The following DPM1 variants were observed in gnomAD, a reference collection of about 807,000 sequenced individuals.
The protein encoded by DPM1 is dolichol-phosphate mannosyltransferase subunit 1.
A neutral mutation model predicts 39.0 loss-of-function variants in DPM1; 27 were observed. That is an observed-to-expected ratio of 0.69 (90% CI 0.51 to 0.95). The LOEUF (loss-of-function observed/expected upper bound fraction) is 0.95. Among genes scored for constraint, DPM1 ranks in the 40% least tolerant of loss-of-function variants. DPM1 has a pLI of 0.00. For synonymous variants in DPM1, 124 were observed against 109.0 expected (o/e 1.14, Z -0.86); for missense variants, 307 against 315.6 (o/e 0.97, Z 0.21).
intron 2 of DPM1, among the ~76,000 whole-genome samples, chr20:50,952,648 G>T (rs1188998644): frequency 6.6e-6 from 1 of 152,142 alleles, no homozygotes; most frequent in Non-Finnish European, 1.5e-5. Flanking sequence ...TCTAGTTTTG[G>T]TCTTATGAAT....
chr20:50,953,504 GT>G (rs898677235), intron 2 of DPM1, among the ~76,000 whole-genome samples: 14 of 151,128 alleles, frequency 9.3e-5, no homozygotes, highest in East Asian at 5.8e-4. Flanking sequence ...GATTAATACT[GT>G]TTTTTTTTAA....
intron 7 of DPM1, among the ~76,000 whole-genome samples, chr20:50,937,535 G>C (rs1649602271): frequency 6.6e-6 from 1 of 152,002 alleles, no homozygotes; most frequent in Non-Finnish European, 1.5e-5. Context: ...TGTTAGGGGA[G>C]GGAGCACTGG....
In DPM1 at chr20:50,956,274, A is replaced by G. The variant is rs560454584; in HGVS notation, c.162-989T>C. 3.3e-5 allele frequency among the ~76,000 whole-genome samples: 5 copies of G among 152,324 alleles called. No homozygotes were observed. In the South Asian group the frequency reaches 6.2e-4, roughly 19 times the overall value. ...TTGGTGGATAAATAATACCTACGAC[A>G]TAACATTCCGTTTTCTCTTGGTCCT... On this transcript the variant is annotated intron_variant, in intron 1 of 8. Coordinates refer to ENST00000371588, the MANE Select transcript of DPM1 (RefSeq NM_003859.3).
intron 2 of DPM1, among the ~76,000 whole-genome samples, chr20:50,949,874 T>C (rs1986488581): frequency 6.6e-6 from 1 of 152,178 alleles, no homozygotes; most frequent in African/African-American, 2.4e-5. Flanking sequence ...GTCAAGTCTT[T>C]TGTGGGAAGC....
chr20:50,943,802 C>G (rs911082625), intron 5 of DPM1, among the ~76,000 whole-genome samples: 1 of 148,328 alleles, frequency 6.7e-6, no homozygotes, highest in Non-Finnish European at 1.5e-5. Flanking sequence ...TGCAGTGGCG[C>G]GATCTTGGCT....
chr20:50,957,631 G>A (rs1489035568), intron 1 of DPM1, among the ~76,000 whole-genome samples: 3 of 152,202 alleles, frequency 2.0e-5, no homozygotes, highest in Admixed American at 1.3e-4. Context: ...ACAGCCATAT[G>A]GAATGTTACC....
In DPM1 at chr20:50,958,492, C is replaced by G. The variant is rs1325422978; in HGVS notation, c.32G>C (p.Arg11Pro). ...CACTTCCAGCTCCCGCCGAGACCTGCGAGGACTACGACTGACTTCCAAGGA... is the reference window on the plus strand; with the variant it reads ...CACTTCCAGCTCCCGCCGAGACCTGGGAGGACTACGACTGACTTCCAAGGA... MASLEVSRSP[R>P]RSRRELEVRS... Residue 11 changes from arginine to proline, a missense_variant, in exon 1 of 9, where the codon CGC becomes CCC. Around this residue, in one of 3 missense-constraint regions of DPM1, gnomAD observed 206 missense variants for 188.2 expected, o/e 1.09. Coordinates refer to ENST00000371588, the MANE Select transcript of DPM1 (RefSeq NM_003859.3). 4.3e-6 allele frequency: 7 copies of G among 1,613,588 alleles called. No homozygotes were observed. Among genetic ancestry groups the G allele is most frequent in the Non-Finnish European group, 5.9e-6 (7 of 1,180,000 alleles).
chr20:50,956,448 C>T (rs1283932383), intron 1 of DPM1, among the ~76,000 whole-genome samples: 4 of 151,564 alleles, frequency 2.6e-5, no homozygotes, highest in African/African-American at 9.7e-5. Flanking sequence ...CTAAAAAGAA[C>T]CCGGGAGGCG....
chr20:50,941,065 T>G (rs954064330), intron 6 of DPM1, 132 bp from the exon 7 acceptor site: 2 of 1,037,250 alleles, frequency 1.9e-6, no homozygotes, highest in South Asian at 3.0e-5. Context: ...ATGTTATTTA[T>G]CTAGAACAAA....
chr20:50,941,272 TACATTCATATAATATATATAC>T (rs1372200242), intron 6 of DPM1: 12 of 117,668 alleles, frequency 1.0e-4, no homozygotes, highest in Non-Finnish European at 1.9e-4. Flanking sequence ...ATAAATAAAA[TACATTCATATAATATATATAC>T]ACATTCATAT....
chr20:50,940,010 G>A (rs557896923), intron 7 of DPM1, among the ~76,000 whole-genome samples: 4 of 151,890 alleles, frequency 2.6e-5, no homozygotes, highest in African/African-American at 9.7e-5. Context: ...CCCAAGTTCA[G>A]CTCTCCAGTC....
intron 2 of DPM1, among the ~76,000 whole-genome samples, chr20:50,950,285 T>C (rs1179934349): frequency 6.6e-6 from 1 of 152,234 alleles, no homozygotes; most frequent in Non-Finnish European, 1.5e-5. Context: ...AGTCACAATT[T>C]GTATCTATAG....
intron 5 of DPM1, among the ~76,000 whole-genome samples, chr20:50,942,503 CAA>C (rs11484450): frequency 9.3e-5 from 12 of 128,722 alleles, no homozygotes; most frequent in Non-Finnish European, 8.3e-5. Context: ...GACTCCATCT[CAA>C]AAAAAAAAAA....
At chr20:50,942,265 T>C (rs1220673481) in intron 5 of DPM1, 139 bp from the exon 6 acceptor site, 2 of 774,638 alleles carry the variant, frequency 2.6e-6, no homozygotes, top group Non-Finnish European at 4.4e-6. Flanking sequence ...CCTAGCACTT[T>C]GGGAGGCCGA....
chr20:50,947,560 A>G (rs143967116), intron 3 of DPM1, among the ~76,000 whole-genome samples: 1,637 of 152,370 alleles, frequency 0.011, 27 homozygotes, highest in African/African-American at 0.037. Context: ...AAATAAAGGC[A>G]GAGTTTCCTC....
chr20:50,942,094 G>C lies in DPM1; in HGVS notation c.431C>G (p.Ser144Cys). The C allele has an allele frequency of 3.1e-6, 5 of 1,614,044 alleles. No individual in the cohort carries two copies. The highest frequency in any genetic ancestry group is 4.2e-6 in the Non-Finnish European group (5 of 1,180,000). ...TCCATTTCCTTTGTAGCGAGTTCCA[G>C]AGACAATATCAAAATTACCCTCCTT... ...KQKEGNFDIVSGTRYKGNGGV... is the reference protein window; with the variant it reads ...KQKEGNFDIVCGTRYKGNGGV... The change falls in exon 6 of 9, where the codon TCT becomes TGT. Residue 144 changes from serine (S) to cysteine (C), a missense_variant. Ser to Cys is a moderately radical substitution (Grantham distance 112). Transcript: ENST00000371588.
intron 1 of DPM1, among the ~76,000 whole-genome samples, chr20:50,956,591 T>C (rs1986833852): frequency 1.3e-5 from 2 of 148,840 alleles, no homozygotes; most frequent in South Asian, 4.3e-4. Context: ...CCAGAAAACA[T>C]ATTCCACTGT....
At chr20:50,938,119 ACT>A (rs1985371176) in intron 7 of DPM1, among the ~76,000 whole-genome samples, 1 of 152,122 alleles carries the variant, frequency 6.6e-6, no homozygotes, top group African/African-American at 2.4e-5. Flanking sequence ...TAACTTTAAC[ACT>A]GTGGCTAGTA....
At chr20:50,951,635 T>C (rs1214814752) in intron 2 of DPM1, among the ~76,000 whole-genome samples, 1 of 151,912 alleles carries the variant, frequency 6.6e-6, no homozygotes, top group Non-Finnish European at 1.5e-5. Flanking sequence ...CTAAAAATAC[T>C]AAAATTAGCC....
Sources: gnomAD v4.1 joint callset for allele counts (sites outside exome capture counted in the v4.1 genomes callset) on GRCh38, gnomAD v4.1.1 for gene constraint, gnomAD v4.1.1 regional missense constraint, MANE v1.5 for transcripts, NCBI Gene and HGNC (gene_info 2026-07-23, HGNC 2026-07-21) for gene names.